OR1L8: variants seen among roughly 807,000 people sequenced by gnomAD.
OR1L8 encodes olfactory receptor family 1 subfamily L member 8.
For missense variants in OR1L8, 330 were observed against 377.4 expected (o/e 0.87, Z 1.04); for synonymous variants, 148 against 147.0 (o/e 1.01, Z -0.05).
At chr9:122,571,796 G>A (rs947825562) in intron 4 of OR1L8, among the ~76,000 whole-genome samples, 49 of 151,906 alleles carry the variant, frequency 3.2e-4, no homozygotes, top group Non-Finnish European at 8.8e-5. Flanking sequence ...ACAGTGCCTT[G>A]GACTTGAGGC....
the OR1L8 span, among the ~76,000 whole-genome samples, chr9:122,555,654 G>A: frequency 2.0e-5 from 3 of 152,294 alleles, no homozygotes; most frequent in Admixed American, 2.0e-4. Context: ...GTAGAGGGTA[G>A]CAAGTTTGAA....
chr9:122,581,781 T>C (rs867264486), intron 1 of OR1L8, among the ~76,000 whole-genome samples: 1 of 152,050 alleles, frequency 6.6e-6, no homozygotes, highest in Non-Finnish European at 1.5e-5. Context: ...ACCCTGTCTC[T>C]ACTAAAACTA....
chr9:122,583,189 T>C (rs1829759236), intron 1 of OR1L8, 132 bp downstream of exon 1: 1 of 151,924 alleles, frequency 6.6e-6, no homozygotes, highest in African/African-American at 2.4e-5. Flanking sequence ...CCCTATTCAC[T>C]CTAGTCTGAT....
chr9:122,550,995 A>G, the OR1L8 span, among the ~76,000 whole-genome samples: 2 of 152,156 alleles, frequency 1.3e-5, no homozygotes, highest in South Asian at 4.1e-4. Flanking sequence ...ATATGATCTA[A>G]TACCTAGAAT....
chr9:122,559,092 C>T, the OR1L8 span, among the ~76,000 whole-genome samples: 1 of 151,932 alleles, frequency 6.6e-6, no homozygotes, highest in African/African-American at 2.4e-5. Flanking sequence ...GTTGAAATTA[C>T]AATACATTAT....
rs1831366 is a variant in OR1L8, at chr9:122,568,705, G to A, written c.-212-16C>T. The A allele has an allele frequency of 0.31, 133,807 of 426,024 alleles. 25,630 individuals carry two copies. Among genetic ancestry groups the A allele is most frequent in the East Asian group, 0.83 (22,701 of 27,270 alleles). The allele number at this position is 426,024 out of a possible 1,614,324, so 26.4% of individuals were successfully genotyped here. On this transcript the variant is annotated splice_polypyrimidine_tract_variant and intron_variant, in intron 4 of 4. Transcript: ENST00000641027. ...ATATTGAAATCTGGAGGGACAGAGG[G>A]AGAGTTTTCCTTTAGAAACTTTCAG...
the OR1L8 span, among the ~76,000 whole-genome samples, chr9:122,556,467 A>C: frequency 6.6e-6 from 1 of 151,864 alleles, no homozygotes; most frequent in South Asian, 2.1e-4. Flanking sequence ...ATGCCACACT[A>C]TCTTAATTAC....
At chr9:122,562,306 T>C (rs4837987), downstream of OR1L8, among the ~76,000 whole-genome samples, 88,659 of 152,184 alleles carry the variant, frequency 0.58, 26,346 homozygotes, top group East Asian at 0.97. Context: ...GCAGGGAGCT[T>C]AGACAGCTTA....
the OR1L8 span, among the ~76,000 whole-genome samples, chr9:122,550,947 T>G: frequency 0.3 from 45,567 of 151,428 alleles, 7,368 homozygotes; most frequent in East Asian, 0.54. Flanking sequence ...GACATCCAAA[T>G]TGGAAAAAGG....
chr9:122,550,854 C>T, the OR1L8 span, among the ~76,000 whole-genome samples: 1 of 151,582 alleles, frequency 6.6e-6, no homozygotes, highest in Non-Finnish European at 1.5e-5. Context: ...CGAAGATGAC[C>T]ACTTTCATCA....
At chr9:122,577,586 T>C (rs35754440) in intron 2 of OR1L8, among the ~76,000 whole-genome samples, 20,746 of 152,136 alleles carry the variant, frequency 0.14, 1,536 homozygotes, top group Middle Eastern at 0.21. Context: ...GATAAAATAA[T>C]AAAATAACAG....
At chr9:122,553,325 C>G in the OR1L8 span, 1 of 1,613,854 alleles carries the variant, frequency 6.2e-7, no homozygotes, top group Non-Finnish European at 8.5e-7. Flanking sequence ...TTGGCATGTA[C>G]CTGGTCACCA....
chr9:122,559,044 T>C, the OR1L8 span, among the ~76,000 whole-genome samples: 7 of 152,200 alleles, frequency 4.6e-5, no homozygotes, highest in African/African-American at 1.7e-4. Flanking sequence ...TGTCATTTCT[T>C]TGAGGTGAGA....
the OR1L8 span, among the ~76,000 whole-genome samples, chr9:122,552,749 A>AGAGTGTGTGTGTGTGT: frequency 7.7e-6 from 1 of 129,662 alleles, no homozygotes; most frequent in African/African-American, 3.0e-5. Context: ...AGAGGGCTTG[A>AGAGTGTGTGTGTGTGT]GTGTGTGTGT....
chr9:122,549,139 T>C, the OR1L8 span, among the ~76,000 whole-genome samples: 1 of 152,124 alleles, frequency 6.6e-6, no homozygotes, highest in Admixed American at 6.6e-5. Context: ...TGAGAGATGT[T>C]TGGGTCATGA....
chr9:122,555,585 C>T, the OR1L8 span, among the ~76,000 whole-genome samples: 1 of 152,096 alleles, frequency 6.6e-6, no homozygotes, highest in African/African-American at 2.4e-5. Context: ...CTACACCATG[C>T]CATTTACAGT....
At chr9:122,554,203 TC>T in the OR1L8 span, 1 of 1,460,576 alleles carries the variant, frequency 6.8e-7, no homozygotes, top group African/African-American at 1.4e-5. Flanking sequence ...GATCAACCCC[TC>T]CCTGTCTTCC....
chr9:122,564,075 G>A (rs1315021824), downstream of OR1L8, among the ~76,000 whole-genome samples: 2 of 152,112 alleles, frequency 1.3e-5, no homozygotes, highest in African/African-American at 4.8e-5. Flanking sequence ...CTGTGCATTG[G>A]GAAAAGGGAA....
the OR1L8 span, among the ~76,000 whole-genome samples, chr9:122,552,057 ACTCTCT>A: frequency 6.5e-4 from 93 of 144,090 alleles, 1 homozygote; most frequent in South Asian, 6.3e-3. Flanking sequence ...ACACACATAC[ACTCTCT>A]CTCTCTCTCT....
Sources: gnomAD v4.1 joint callset for allele counts (sites outside exome capture counted in the v4.1 genomes callset) on GRCh38, gnomAD v4.1.1 for gene constraint, MANE v1.5 for transcripts, NCBI Gene and HGNC (gene_info 2026-07-23, HGNC 2026-07-21) for gene names.